Variants in TMEM116 observed in about 807,000 individuals in gnomAD.
TMEM116 encodes transmembrane protein 116.
Under a neutral mutation model 44.3 loss-of-function variants are expected in TMEM116, and 38 were observed. That is an observed-to-expected ratio of 0.86 (90% CI 0.66 to 1.12). The LOEUF (loss-of-function observed/expected upper bound fraction) is 1.12, where lower values mean the gene tolerates loss of function less well. TMEM116 is among the 50% of genes most tolerant of loss of function. The pLI, the probability that TMEM116 is intolerant of heterozygous loss-of-function variation, is 0.00. For synonymous variants in TMEM116, 132 were observed against 144.8 expected, an observed-to-expected ratio of 0.91 and a Z score of 0.64; for missense variants, 354 against 401.7, an observed-to-expected ratio of 0.88 and a Z score of 1.01.
chr12:111,957,976 C>T (rs1205944090), intron 4 of TMEM116, among the ~76,000 whole-genome samples: 1 of 152,052 alleles, frequency 6.6e-6, no homozygotes, highest in Non-Finnish European at 1.5e-5. Flanking sequence ...AACCTTACCC[C>T]CAACCCCGTG....
intron 4 of TMEM116, among the ~76,000 whole-genome samples, chr12:111,970,589 T>G (rs1221491091): frequency 6.9e-6 from 1 of 143,892 alleles, no homozygotes. Context: ...CAAATGGGTT[T>G]TTTTTTTTTT....
chr12:111,936,863 T>C (rs2072203583), intron 7 of TMEM116, 33 bp from the exon 8 acceptor site: 2 of 1,546,234 alleles, frequency 1.3e-6, no homozygotes, highest in Non-Finnish European at 1.7e-6. Flanking sequence ...GGAGTACTAC[T>C]ACAGATGTAA....
intron 3 of TMEM116, chr12:111,994,022 GC>G: frequency 1.7e-6 from 1 of 574,946 alleles, no homozygotes. Context: ...CCCCCAAGAT[GC>G]CAGAATCTCT....
At chr12:111,980,693 T>C (rs1229469189) in intron 4 of TMEM116, among the ~76,000 whole-genome samples, 1 of 152,186 alleles carries the variant, frequency 6.6e-6, no homozygotes, top group African/African-American at 2.4e-5. Flanking sequence ...GGGAACTCTG[T>C]AGTATTTGCC....
At chr12:111,991,381 G>A (rs1450260718) in intron 4 of TMEM116, among the ~76,000 whole-genome samples, 3 of 151,090 alleles carry the variant, frequency 2.0e-5, no homozygotes, top group South Asian at 2.1e-4. Context: ...AAAATTAGTC[G>A]GGCGCGGTGG....
chr12:112,011,263 A>C (rs1322490398), intron 1 of TMEM116: 1 of 152,148 alleles, frequency 6.6e-6, no homozygotes, highest in Non-Finnish European at 1.5e-5. Context: ...CCCCAGTCAC[A>C]CCTCCCTGCT....
intron 5 of TMEM116, 61 bp from the exon 6 acceptor site, chr12:111,938,271 AC>A: frequency 7.8e-7 from 1 of 1,274,914 alleles, no homozygotes; most frequent in Non-Finnish European, 1.1e-6. Flanking sequence ...AATAATAAAT[AC>A]CAGATCATCA....
At chr12:111,957,750 C>T (rs867926330) in intron 4 of TMEM116, among the ~76,000 whole-genome samples, 4 of 152,208 alleles carry the variant, frequency 2.6e-5, no homozygotes, top group East Asian at 3.9e-4. Flanking sequence ...CCCCTCTGCC[C>T]GGCCACCACC....
At chr12:111,956,715 G>A (rs867497798) in intron 4 of TMEM116, among the ~76,000 whole-genome samples, 7 of 152,304 alleles carry the variant, frequency 4.6e-5, no homozygotes, top group South Asian at 4.1e-4. Context: ...GGGTTTCGCC[G>A]TGTTGGCTGG....
At chr12:112,008,940 A>G (rs370654730) in intron 1 of TMEM116, among the ~76,000 whole-genome samples, 63 of 151,010 alleles carry the variant, frequency 4.2e-4, no homozygotes, top group Middle Eastern at 3.4e-3. Flanking sequence ...GCACCATTGC[A>G]CTCCAGCCTG....
chr12:111,954,541 A>T (rs2073954355), intron 4 of TMEM116, among the ~76,000 whole-genome samples: 1 of 152,232 alleles, frequency 6.6e-6, no homozygotes, highest in Non-Finnish European at 1.5e-5. Flanking sequence ...CCTTGTCATT[A>T]TTCTTATTTT....
chr12:112,010,575 C>G (rs978254298), intron 1 of TMEM116: 1 of 151,944 alleles, frequency 6.6e-6, no homozygotes. Context: ...TGCAACTGAT[C>G]GTCCTAATGT....
intron 4 of TMEM116, among the ~76,000 whole-genome samples, chr12:111,961,027 C>A (rs1279905341): frequency 1.3e-5 from 2 of 152,146 alleles, no homozygotes; most frequent in South Asian, 2.1e-4. Context: ...AAACTACCAT[C>A]AGAGAATACT....
At chr12:112,001,084 A>G (rs1417596470) in intron 3 of TMEM116, 3 of 177,576 alleles carry the variant, frequency 1.7e-5, no homozygotes, top group Admixed American at 6.0e-5. Flanking sequence ...TCTGTCTTTA[A>G]TTTAAACCAC....
At chr12:111,937,482 T>A (rs1031062661) in intron 6 of TMEM116, among the ~76,000 whole-genome samples, 1 of 152,200 alleles carries the variant, frequency 6.6e-6, no homozygotes, top group Non-Finnish European at 1.5e-5. Flanking sequence ...AACGCTACCA[T>A]AGTTTCACAG....
intron 4 of TMEM116, chr12:111,965,727 C>T: frequency 2.5e-6 from 1 of 395,132 alleles, no homozygotes; most frequent in Non-Finnish European, 5.0e-6. Flanking sequence ...CATTCAGGAC[C>T]AGCCTGGCAA....
intron 4 of TMEM116, among the ~76,000 whole-genome samples, chr12:111,945,154 C>A (rs1004990011): frequency 6.7e-6 from 1 of 149,592 alleles, no homozygotes; most frequent in African/African-American, 2.5e-5. Context: ...ACCAGCCTGG[C>A]CAATATGGTG....
At chr12:112,009,415 C>T (rs1236382666) in intron 1 of TMEM116, among the ~76,000 whole-genome samples, 1 of 151,574 alleles carries the variant, frequency 6.6e-6, no homozygotes, top group African/African-American at 2.4e-5. Flanking sequence ...ATCTGCAAAC[C>T]AAACCATATG....
At chr12:111,988,415 C>T (rs1265061673) in intron 4 of TMEM116, among the ~76,000 whole-genome samples, 4 of 151,924 alleles carry the variant, frequency 2.6e-5, no homozygotes, top group Non-Finnish European at 5.9e-5. Context: ...CAAACAAGGC[C>T]GGGCACGGTG....
Sources: allele counts gnomAD v4.1 joint callset (sites outside exome capture counted in the v4.1 genomes callset), GRCh38; gene constraint gnomAD v4.1.1; transcripts MANE v1.5; gene names NCBI Gene and HGNC (gene_info 2026-07-23, HGNC 2026-07-21).